Variants in GIMD1 observed in about 807,000 individuals in gnomAD.
The protein encoded by GIMD1 is GIMAP family P-loop NTPase domain containing 1.
Under a neutral mutation model 14.9 loss-of-function variants are expected in GIMD1, and 14 were observed. That is an observed-to-expected ratio of 0.94 (90% CI 0.62 to 1.47). GIMD1 has a LOEUF of 1.47. GIMD1 is among the 40% of genes most tolerant of loss of function. GIMD1 has a pLI of 0.00. For synonymous variants in GIMD1, 91 were observed against 90.5 expected, an observed-to-expected ratio of 1.01 and a Z score of -0.03; for missense variants, 272 against 255.3, an observed-to-expected ratio of 1.07 and a Z score of -0.44.
At chr4:106,364,052 A>ATT (rs1356859151) in intron 2 of GIMD1, among the ~76,000 whole-genome samples, 1 of 152,100 alleles carries the variant, frequency 6.6e-6, no homozygotes, top group Non-Finnish European at 1.5e-5. Flanking sequence ...ATTTGAATAA[A>ATT]TTCTTCCTTC....
intron 2 of GIMD1, among the ~76,000 whole-genome samples, chr4:106,358,747 A>G (rs1479385035): frequency 6.6e-6 from 1 of 151,932 alleles, no homozygotes; most frequent in Non-Finnish European, 1.5e-5. Context: ...AGATTTCTCA[A>G]CATTCAGTAA....
At chr4:106,359,303 A>G (rs751208942) in intron 2 of GIMD1, among the ~76,000 whole-genome samples, 38 of 151,922 alleles carry the variant, frequency 2.5e-4, no homozygotes, top group Non-Finnish European at 4.7e-4. Flanking sequence ...TCCATTCCGA[A>G]CACTCCTATT....
At position 106,367,402 on chromosome 4, in the gene GIMD1, C is replaced by G; in HGVS notation, c.34G>C (p.Ala12Pro). 2.0e-6 allele frequency: 3 copies of G among 1,534,552 alleles called. No individual in the cohort carries two copies. The highest frequency in any genetic ancestry group is 2.6e-6 in the Non-Finnish European group (3 of 1,145,918). The change falls in exon 2 of 3, where the codon GCC becomes CCC. Residue 12 changes from alanine (A) to proline (P), a missense_variant. Coordinates refer to ENST00000638719, the MANE Select transcript of GIMD1 (RefSeq NM_001195138.2). ...TDPNKMIINL[A>P]LFGMTQSGKS... Reference sequence around the variant, plus strand: ...CCACTCTGAGTCATGCCAAAGAGGGCCAAGTTGATGATCATCTTGTTGGGG... The same window carrying G: ...CCACTCTGAGTCATGCCAAAGAGGGGCAAGTTGATGATCATCTTGTTGGGG...
Position 106,358,826 on chromosome 4 carries a change from A to G in GIMD1, c.394-383T>C, listed in dbSNP as rs926872441. ...AATTTAAGTCGGAGGACCTTAGTCA[A>G]GGGAATTGTTTTATCTTTTACTTTT... is the stretch of plus-strand genomic sequence containing the variant. On this transcript the variant is annotated intron_variant, in intron 2 of 2. Transcript: ENST00000638719. Among the ~76,000 whole-genome samples the G allele has an allele frequency of 4.9e-5, 7 of 141,574 alleles. No individual in the cohort carries two copies. In the South Asian group the frequency reaches 9.3e-4, roughly 19 times the overall value. The allele number at this position is 141,574 out of a possible 152,430, so 92.9% of individuals were successfully genotyped here.
rs1283115679 is a variant in GIMD1, at chr4:106,358,151, A to G, written c.*32T>C. On this transcript the variant is annotated 3_prime_UTR_variant, in exon 3 of 3. Coordinates refer to ENST00000638719, the MANE Select transcript of GIMD1 (RefSeq NM_001195138.2). ...CTTTGTAGCTAGGTTTCTGACTCCA[A>G]TACCCAATGCTCCTTTCCTTTCACC... 9.2e-6 allele frequency: 13 copies of G among 1,407,424 alleles called. No individual in the cohort carries two copies. Among genetic ancestry groups the G allele is most frequent in the Non-Finnish European group, 1.1e-5 (12 of 1,070,654 alleles). 87.2% of individuals were successfully genotyped at this position (1,407,424 alleles called of 1,614,324 possible).
rs1362606434 is a variant in GIMD1, at chr4:106,367,326, CTGCTGTGAAAGTCTG to C, written c.95_109del (p.Thr32_Ser36del). ...TGTGGTCACAGAACAGGGAGCAAAG[CTGCTGTGAAAGTCTG>C]TGCTTCCCAGCAGAATGTTTCCAGC... On this transcript the variant is annotated inframe_deletion, in exon 2 of 3. Coordinates refer to ENST00000638719, the MANE Select transcript of GIMD1 (RefSeq NM_001195138.2). 1.3e-6 allele frequency: 2 copies of C among 1,536,036 alleles called. No homozygotes were observed. Among genetic ancestry groups the C allele is most frequent in the South Asian group, 1.2e-5 (1 of 84,058 alleles).
At chr4:106,366,733 T>TGTTCTAGGA (rs1272433350) in intron 2 of GIMD1, among the ~76,000 whole-genome samples, 1 of 152,106 alleles carries the variant, frequency 6.6e-6, no homozygotes, top group Non-Finnish European at 1.5e-5. Flanking sequence ...TTGGGTTTTT[T>TGTTCTAGGA]GTTCTAGGAG....
chr4:106,358,053 T>C lies in GIMD1; in HGVS notation c.*130A>G. 1 of 611,424 alleles carries C rather than the reference T, an allele frequency of 1.6e-6. No homozygotes were observed. The highest frequency in any genetic ancestry group is 3.6e-5 in the Admixed American group (1 of 28,144). 37.9% of individuals were successfully genotyped at this position (611,424 alleles called of 1,614,324 possible). A position where few individuals can be genotyped will look rare whatever the true frequency, so the allele number is the denominator to read the frequency against. On this transcript the variant is annotated 3_prime_UTR_variant, in exon 3 of 3. Transcript: ENST00000638719. ...TTTAACTTCTAGTTTTCCAAAGTGGTTATACCAATGTACACTCTCACCAGC... is the reference window on the plus strand; with the variant it reads ...TTTAACTTCTAGTTTTCCAAAGTGGCTATACCAATGTACACTCTCACCAGC...
chr4:106,367,635 G>A, intron 1 of GIMD1, among the ~76,000 whole-genome samples, 198 bp from the exon 2 acceptor site: 1 of 152,200 alleles, frequency 6.6e-6, no homozygotes, highest in African/African-American at 2.4e-5. Flanking sequence ...TGGAATAATT[G>A]TAGTTTACAA....
At chr4:106,363,198 T>C (rs2125934151) in intron 2 of GIMD1, among the ~76,000 whole-genome samples, 1 of 152,220 alleles carries the variant, frequency 6.6e-6, no homozygotes, top group Admixed American at 6.6e-5. Context: ...AACAATGAAA[T>C]AATAATGGCC....
chr4:106,362,192 T>C (rs73839459), intron 2 of GIMD1, among the ~76,000 whole-genome samples: 2,784 of 152,190 alleles, frequency 0.018, 80 homozygotes, highest in African/African-American at 0.061. Context: ...GTGAGAGAAA[T>C]TGCACTTTTG....
rs1770567206 is a variant in GIMD1, at chr4:106,358,462, A to G, written c.394-19T>C. ...GAAGTTCCTGAAAGAGAGAAGTTAG[A>G]TAACTATTGAACTTGAACTATATTC... On this transcript the variant is annotated intron_variant, in intron 2 of 2. Transcript: ENST00000638719. 2 of 1,493,582 alleles carry G rather than the reference A, an allele frequency of 1.3e-6. No homozygotes were observed. Among genetic ancestry groups the G allele is most frequent in the South Asian group, 2.6e-5 (2 of 76,784 alleles). 92.5% of individuals were successfully genotyped at this position (1,493,582 alleles called of 1,614,324 possible).
At chr4:106,358,521 A>G in intron 2 of GIMD1, 78 bp from the exon 3 acceptor site, 1 of 1,061,044 alleles carries the variant, frequency 9.4e-7, no homozygotes. Flanking sequence ...TTACGGTCCA[A>G]TATAGATAGC....
intron 2 of GIMD1, among the ~76,000 whole-genome samples, chr4:106,366,324 CA>C (rs1371776253): frequency 1.1e-4 from 16 of 152,272 alleles, no homozygotes; most frequent in African/African-American, 3.8e-4. Context: ...ACTACTTTGG[CA>C]CTTAATGCAT....
chr4:106,358,929 A>G (rs1770575081), intron 2 of GIMD1, among the ~76,000 whole-genome samples: 1 of 151,978 alleles, frequency 6.6e-6, no homozygotes, highest in Non-Finnish European at 1.5e-5. Context: ...ATCAGGTGAC[A>G]TGTAATGGAA....
Position 106,358,258 on chromosome 4 carries a change from T to C in GIMD1, c.579A>G (p.Glu193=). The C allele has an allele frequency of 6.6e-7, 1 of 1,525,206 alleles. No individual in the cohort carries two copies. Among genetic ancestry groups the C allele is most frequent in the Non-Finnish European group, 8.8e-7 (1 of 1,139,382 alleles). The allele number at this position is 1,525,206 out of a possible 1,614,324, so 94.5% of individuals were successfully genotyped here. Residue 193 remains glutamate (E), a synonymous_variant, in exon 3 of 3, where the codon GAA becomes GAG. Coordinates refer to ENST00000638719, the MANE Select transcript of GIMD1 (RefSeq NM_001195138.2). ...FQYKKGKSLN[E]QRMKILERIM... is the part of the protein sequence containing the mutation. Reference sequence around the variant, plus strand: ...TTCTTTCTAAGATTTTCATTCTTTGTTCATTGAGTGATTTTCCTTTTTTGT... The same window carrying C: ...TTCTTTCTAAGATTTTCATTCTTTGCTCATTGAGTGATTTTCCTTTTTTGT...
At chr4:106,368,675 A>T in intron 1 of GIMD1, 35 bp downstream of exon 1, 1 of 398,244 alleles carries the variant, frequency 2.5e-6, no homozygotes, top group Non-Finnish European at 4.4e-6. Context: ...AAAATTAATT[A>T]TTCAATCCCA....
chr4:106,358,177 T>G lies in GIMD1; in HGVS notation c.*6A>C, dbSNP rs1770559586. ...TACCCAATGCTCCTTTCCTTTCACC[T>G]AAATTTTATTTAAATGTAAGAACTT... On this transcript the variant is annotated 3_prime_UTR_variant, in exon 3 of 3. Transcript: ENST00000638719. 1.4e-6 allele frequency: 2 copies of G among 1,466,760 alleles called. No homozygotes were observed. Among genetic ancestry groups the G allele is most frequent in the Non-Finnish European group, 1.8e-6 (2 of 1,112,702 alleles). 90.9% of individuals were successfully genotyped at this position (1,466,760 alleles called of 1,614,324 possible). A position where few individuals can be genotyped will look rare whatever the true frequency, so the allele number is the denominator to read the frequency against.
chr4:106,362,061 G>A (rs769411892), intron 2 of GIMD1, among the ~76,000 whole-genome samples: 6 of 152,020 alleles, frequency 3.9e-5, no homozygotes, highest in South Asian at 2.1e-4. Flanking sequence ...TTCAGAGAAC[G>A]TGAGTTAAAT....
Sources: gnomAD v4.1 joint callset for allele counts (sites outside exome capture counted in the v4.1 genomes callset) on GRCh38, gnomAD v4.1.1 for gene constraint, MANE v1.5 for transcripts, NCBI Gene and HGNC (gene_info 2026-07-23, HGNC 2026-07-21) for gene names.